The following SLC9A7 variants were observed in gnomAD, a reference collection of about 807,000 sequenced individuals.
The protein encoded by SLC9A7 is sodium/hydrogen exchanger 7.
In SLC9A7, 19 loss-of-function variants were observed where a neutral mutation model predicts 52.6. That is an observed-to-expected ratio of 0.36 (90% confidence interval 0.25 to 0.53). SLC9A7 has a LOEUF of 0.53. SLC9A7 is among the 20% of genes least tolerant of loss of function. The pLI is 0.91. For missense variants in SLC9A7, 455 were observed against 597.9 expected (o/e 0.76, Z 2.49); for synonymous variants, 226 against 252.1 (o/e 0.90, Z 0.98).
At chrX:46,611,083 T>C (rs754590045) in intron 16 of SLC9A7, among the ~76,000 whole-genome samples, 73 of 111,257 alleles carry the variant, frequency 6.6e-4, no homozygotes, top group Admixed American at 2.1e-3. Flanking sequence ...GTGGGAGAAG[T>C]GGAAATGCCG....
At chrX:46,653,832 T>A (rs1602181548) in intron 7 of SLC9A7, 118 bp from the exon 8 acceptor site, 1 of 476,322 alleles carries the variant, frequency 2.1e-6, no homozygotes, top group Non-Finnish European at 3.6e-6. Flanking sequence ...AACCTTTTTT[T>A]TTTTTTGGAG....
intron 1 of SLC9A7, among the ~76,000 whole-genome samples, chrX:46,735,384 T>C (rs373932820): frequency 6.3e-5 from 7 of 111,970 alleles, no homozygotes; most frequent in South Asian, 3.7e-4. Flanking sequence ...ACAAGGAGCA[T>C]AGGACCTTAT....
intron 1 of SLC9A7, among the ~76,000 whole-genome samples, chrX:46,728,686 A>C (rs1001458962): frequency 2.0e-4 from 23 of 112,372 alleles, no homozygotes; most frequent in Non-Finnish European, 3.9e-4. Flanking sequence ...AAGACATGTA[A>C]GCAAATGTTC....
intron 15 of SLC9A7, among the ~76,000 whole-genome samples, 170 bp downstream of exon 15, chrX:46,620,807 C>A (rs994627286): frequency 6.2e-5 from 7 of 112,467 alleles, no homozygotes; most frequent in Non-Finnish European, 1.3e-4. Context: ...GAGATACTCA[C>A]CAGGACTACC....
Position 46,648,783 on chromosome X carries a change from C to T in SLC9A7, c.1365G>A (p.Leu455=). The change falls in exon 11 of 17, where the codon CTG becomes CTA. Residue 455 remains leucine, a synonymous_variant. Transcript: ENST00000616978. ...FIIGAFVAIF[L]GRAAHIYPLS... ...GCGGGTAGATGTGCGCGGCTCTGCC[C>T]AGGAAGATGGCAACCTGACCACAAG... The T allele has an allele frequency of 8.3e-7, 1 of 1,208,655 alleles. No individual in the cohort carries two copies.
At chrX:46,710,701 G>A (rs1944674488) in intron 1 of SLC9A7, among the ~76,000 whole-genome samples, 1 of 112,121 alleles carries the variant, frequency 8.9e-6, no homozygotes, top group East Asian at 2.8e-4. Flanking sequence ...ACTGATAAAG[G>A]AAAGGATACA....
chrX:46,660,790 A>G (rs368247717), intron 7 of SLC9A7, among the ~76,000 whole-genome samples: 1 of 108,482 alleles, frequency 9.2e-6, no homozygotes, highest in East Asian at 2.9e-4. Flanking sequence ...AAACTAGTTC[A>G]ACCATTGTGG....
At chrX:46,723,599 G>A (rs755680601) in intron 1 of SLC9A7, among the ~76,000 whole-genome samples, 4 of 111,217 alleles carry the variant, frequency 3.6e-5, no homozygotes, top group Admixed American at 1.9e-4. Context: ...GTAGCAAAGC[G>A]GGTCAAGAAA....
intron 7 of SLC9A7, among the ~76,000 whole-genome samples, chrX:46,660,710 G>T (rs1436625441): frequency 2.7e-5 from 3 of 109,427 alleles, no homozygotes; most frequent in Non-Finnish European, 5.7e-5. Context: ...TCATTAAAAA[G>T]TCAGGAAACA....
intron 1 of SLC9A7, among the ~76,000 whole-genome samples, chrX:46,710,761 T>C (rs1157057628): frequency 9.5e-6 from 1 of 105,254 alleles, no homozygotes; most frequent in African/African-American, 3.5e-5. Flanking sequence ...AGCAAGGAGA[T>C]GGACCCATCA....
chrX:46,665,557 C>CAAAAAAAAAAAAAAAAAAA (rs754854403), intron 5 of SLC9A7, among the ~76,000 whole-genome samples: 3 of 21,780 alleles, frequency 1.4e-4, no homozygotes, highest in Admixed American at 5.3e-4. Flanking sequence ...GACTCCATCT[C>CAAAAAAAAAAAAAAAAAAA]AAAAAAAAAA....
intron 14 of SLC9A7, among the ~76,000 whole-genome samples, chrX:46,630,115 C>A (rs1164138371): frequency 9.0e-6 from 1 of 111,396 alleles, no homozygotes; most frequent in Non-Finnish European, 1.9e-5. Flanking sequence ...TGAGCAGGGA[C>A]CTAGAATGGA....
intron 12 of SLC9A7, among the ~76,000 whole-genome samples, chrX:46,641,568 G>T (rs1185089741): frequency 2.7e-5 from 3 of 111,675 alleles, no homozygotes; most frequent in African/African-American, 9.8e-5. Context: ...AACAAAGATG[G>T]TACCATCTTA....
At chrX:46,718,337 T>A (rs370680496) in intron 1 of SLC9A7, among the ~76,000 whole-genome samples, 2 of 111,781 alleles carry the variant, frequency 1.8e-5, no homozygotes, top group Non-Finnish European at 3.8e-5. Flanking sequence ...CTAAAACCAT[T>A]AAAACCCTAG....
At chrX:46,648,119 G>A (rs1216960593) in intron 11 of SLC9A7, among the ~76,000 whole-genome samples, 1 of 112,202 alleles carries the variant, frequency 8.9e-6, no homozygotes, top group Non-Finnish European at 1.9e-5. Context: ...GGGGCATGTG[G>A]GAGACAGTGT....
intron 1 of SLC9A7, among the ~76,000 whole-genome samples, chrX:46,696,748 C>T (rs1944454923): frequency 8.9e-6 from 1 of 111,885 alleles, no homozygotes; most frequent in Non-Finnish European, 1.9e-5. Context: ...TGACTGCTAG[C>T]ACCATGTGCC....
intron 1 of SLC9A7, among the ~76,000 whole-genome samples, chrX:46,693,262 T>C (rs1394281842): frequency 9.0e-6 from 1 of 111,301 alleles, no homozygotes; most frequent in African/African-American, 3.3e-5. Context: ...AAAACATACA[T>C]GGAAATGCAA....
Position 46,613,414 on chromosome X carries a change from GA to G in SLC9A7, c.1824-21del, listed in dbSNP as rs1389063371. 9.2e-7 allele frequency: 1 copy of G among 1,090,541 alleles called. No individual in the cohort carries two copies. Among genetic ancestry groups the G allele is most frequent in the Non-Finnish European group, 1.2e-6 (1 of 801,064 alleles). The allele number at this position is 1,090,541 out of a possible 1,213,427, so 89.9% of individuals were successfully genotyped here. ...AGGTAACTTTAAAATGTGAATTAAGGAAAAATGGCTGCAAAGAAAACATATA... is the reference window on the plus strand; with the variant it reads ...AGGTAACTTTAAAATGTGAATTAAGGAAAATGGCTGCAAAGAAAACATATA... On this transcript the variant is annotated intron_variant, in intron 15 of 16. Coordinates refer to ENST00000616978, the MANE Select transcript of SLC9A7 (RefSeq NM_001257291.2).
chrX:46,676,311 C>T (rs1293646331), intron 3 of SLC9A7, among the ~76,000 whole-genome samples: 7 of 111,509 alleles, frequency 6.3e-5, no homozygotes, highest in East Asian at 2.8e-4. Context: ...AGCTGGTGTC[C>T]GCTGCAGAAT....
Sources: allele counts gnomAD v4.1 joint callset (sites outside exome capture counted in the v4.1 genomes callset), GRCh38; gene constraint gnomAD v4.1.1; transcripts MANE v1.5; gene names NCBI Gene and HGNC (gene_info 2026-07-23, HGNC 2026-07-21).